INVS: variants seen among roughly 807,000 people sequenced by gnomAD.
The protein encoded by INVS is inversin.
In INVS, 86 loss-of-function variants were observed where a neutral mutation model predicts 108.8. The observed-to-expected ratio is 0.79, with a 90% CI of 0.66 to 0.95. The LOEUF (loss-of-function observed/expected upper bound fraction) is 0.95. INVS is among the 40% of genes least tolerant of loss of function. The probability of loss-of-function intolerance (pLI) is 0.00; values close to 1 mark genes in which losing one functional copy is unlikely to be tolerated. For missense variants in INVS, 1,169 were observed against 1,297.4 expected (o/e 0.90, Z 1.52); for synonymous variants, 455 against 473.5 (o/e 0.96, Z 0.51).
intron 3 of INVS, among the ~76,000 whole-genome samples, chr9:100,154,232 T>C (rs549404525): frequency 4.6e-4 from 70 of 152,044 alleles, no homozygotes; most frequent in African/African-American, 1.6e-3. Flanking sequence ...GGCACAATCA[T>C]GGCTCACTGC....
chr9:100,176,843 C>T (rs1829727804), intron 3 of INVS, among the ~76,000 whole-genome samples: 1 of 152,166 alleles, frequency 6.6e-6, no homozygotes, highest in Non-Finnish European at 1.5e-5. Context: ...CTGATTTCAT[C>T]AGCCCCTTTG....
intron 3 of INVS, among the ~76,000 whole-genome samples, chr9:100,168,171 T>C (rs535575626): frequency 5.3e-5 from 8 of 152,292 alleles, no homozygotes; most frequent in South Asian, 4.1e-4. Flanking sequence ...AATGTTTGTA[T>C]TGACAAATGG....
At chr9:100,133,338 ATG>A (rs140513551) in intron 3 of INVS, among the ~76,000 whole-genome samples, 3,942 of 145,594 alleles carry the variant, frequency 0.027, 74 homozygotes, top group African/African-American at 0.066. Flanking sequence ...CCTTTACTTT[ATG>A]TGTGTGTGTG....
In INVS at chr9:100,240,227, G is replaced by A; in HGVS notation, c.783G>A (p.Trp261Ter). 1 of 1,613,636 alleles carries A rather than the reference G, an allele frequency of 6.2e-7. No individual in the cohort carries two copies. Among genetic ancestry groups the A allele is most frequent in the African/African-American group, 1.3e-5 (1 of 74,964 alleles). ...YDNLFRTPLH[W>*]AALLGHAQIV... The stretch of plus-strand genomic sequence containing the variant: ...ACTTATTTCGAACCCCACTGCACTG[G>A]GCAGCTTTATTAGGTACGTGACTCA... Residue 261 changes from tryptophan to a stop codon, truncating the protein, a stop_gained, in exon 6 of 17, where the codon TGG becomes TGA. Coordinates refer to ENST00000262457, the MANE Select transcript of INVS (RefSeq NM_014425.5). LOFTEE classifies it high-confidence loss of function.
intron 3 of INVS, among the ~76,000 whole-genome samples, chr9:100,188,311 G>T (rs1830115692): frequency 6.6e-6 from 1 of 152,134 alleles, no homozygotes; most frequent in Non-Finnish European, 1.5e-5. Context: ...TTGGTTGTGG[G>T]TTTGTCATAT....
intron 13 of INVS, among the ~76,000 whole-genome samples, chr9:100,290,629 G>A (rs946160094): frequency 1.3e-5 from 2 of 152,240 alleles, no homozygotes; most frequent in African/African-American, 4.8e-5. Flanking sequence ...TGGGATTACA[G>A]GCGTGAGCCA....
chr9:100,114,630 C>T (rs1373977273), intron 2 of INVS, among the ~76,000 whole-genome samples: 1 of 151,992 alleles, frequency 6.6e-6, no homozygotes, highest in African/African-American at 2.4e-5. Context: ...GTCTCAAACT[C>T]CAGGCTTCAA....
chr9:100,114,391 C>CTTTTT (rs67549379), intron 2 of INVS, among the ~76,000 whole-genome samples: 9 of 64,860 alleles, frequency 1.4e-4, no homozygotes, highest in African/African-American at 2.6e-4. Flanking sequence ...AGATTTCTTT[C>CTTTTT]TTTTTTTTTT....
chr9:100,149,179 A>G (rs1436434331), intron 3 of INVS, among the ~76,000 whole-genome samples: 1 of 152,218 alleles, frequency 6.6e-6, no homozygotes, highest in Non-Finnish European at 1.5e-5. Flanking sequence ...AAACAATTTA[A>G]TAAGTGCCCA....
At chr9:100,243,057 G>T (rs1369555583) in intron 7 of INVS, among the ~76,000 whole-genome samples, 2 of 152,058 alleles carry the variant, frequency 1.3e-5, no homozygotes, top group African/African-American at 2.4e-5. Context: ...TTTTTAAGTT[G>T]TTAGTCACAT....
intron 5 of INVS, among the ~76,000 whole-genome samples, chr9:100,234,448 T>A (rs889886326): frequency 6.6e-6 from 1 of 152,186 alleles, no homozygotes; most frequent in African/African-American, 2.4e-5. Context: ...TTGTTTTAAT[T>A]GTGATGTTAG....
At chr9:100,146,041 C>T (rs1170856381) in intron 3 of INVS, among the ~76,000 whole-genome samples, 4 of 152,016 alleles carry the variant, frequency 2.6e-5, no homozygotes, top group Admixed American at 6.5e-5. Context: ...ATCTTTTTCA[C>T]GGAGCAAAGA....
intron 10 of INVS, among the ~76,000 whole-genome samples, chr9:100,261,462 G>A (rs1416444807): frequency 6.6e-6 from 1 of 151,900 alleles, no homozygotes; most frequent in Non-Finnish European, 1.5e-5. Flanking sequence ...TAGAGACGGG[G>A]TTCAACATGT....
At chr9:100,135,781 T>A (rs1462923504) in intron 3 of INVS, among the ~76,000 whole-genome samples, 1 of 152,122 alleles carries the variant, frequency 6.6e-6, no homozygotes, top group African/African-American at 2.4e-5. Context: ...CAAAGTAAGG[T>A]CTTGGCTGGA....
intron 3 of INVS, among the ~76,000 whole-genome samples, chr9:100,142,775 G>A (rs1393764148): frequency 6.6e-6 from 1 of 152,166 alleles, no homozygotes; most frequent in Non-Finnish European, 1.5e-5. Flanking sequence ...AGCGGCAGCC[G>A]CTGCATGCAG....
intron 5 of INVS, among the ~76,000 whole-genome samples, chr9:100,230,238 A>G (rs1831464133): frequency 6.6e-6 from 1 of 151,728 alleles, no homozygotes; most frequent in Non-Finnish European, 1.5e-5. Context: ...CAAGTTTAAG[A>G]AAAAGTATAT....
At chr9:100,205,527 A>G (rs1054325847) in intron 3 of INVS, among the ~76,000 whole-genome samples, 8 of 152,152 alleles carry the variant, frequency 5.3e-5, no homozygotes, top group Non-Finnish European at 1.0e-4. Flanking sequence ...AAGGTGAATT[A>G]TACTTGAAAC....
intron 3 of INVS, among the ~76,000 whole-genome samples, chr9:100,173,073 ACAT>A (rs1156339946): frequency 1.3e-5 from 2 of 152,224 alleles, no homozygotes; most frequent in African/African-American, 4.8e-5. Context: ...AGTACTTCTC[ACAT>A]CATCAAGATT....
chr9:100,129,683 G>C (rs1443255220), intron 3 of INVS: 1 of 712,728 alleles, frequency 1.4e-6, no homozygotes, highest in African/African-American at 1.8e-5. Context: ...AAGGCATTGA[G>C]AACAATCAGC....
Sources: allele counts gnomAD v4.1 joint callset (sites outside exome capture counted in the v4.1 genomes callset), GRCh38; gene constraint gnomAD v4.1.1; transcripts MANE v1.5; gene names NCBI Gene and HGNC (gene_info 2026-07-23, HGNC 2026-07-21).